The following KMT2E variants were observed in gnomAD, a reference collection of about 807,000 sequenced individuals.
KMT2E encodes the protein histone reader KMT2E.
Under a neutral mutation model 184.6 loss-of-function variants are expected in KMT2E, and 30 were observed. The observed-to-expected ratio is 0.16, with a 90% CI of 0.12 to 0.22. The LOEUF is 0.22. Ranked by LOEUF, KMT2E falls within the 10% of genes least tolerant of loss-of-function variation. KMT2E has a pLI of 1.00. For synonymous variants in KMT2E, 815 were observed against 776.5 expected (o/e 1.05, Z -0.82); for missense variants, 2,023 against 2,237.4 (o/e 0.90, Z 1.93).
Position 105,113,394 on chromosome 7 carries a change from A to AC in KMT2E, c.*63dup, listed in dbSNP as rs1799421926. On this transcript the variant is annotated 3_prime_UTR_variant, in exon 27 of 27. Coordinates refer to ENST00000311117, the MANE Select transcript of KMT2E (RefSeq NM_182931.3). Reference sequence around the variant, plus strand: ...AAGATAAACTGTATATTTCATATGTACCTGTTAAGGTACTTTTTAAAGCTT... The same window carrying AC: ...AAGATAAACTGTATATTTCATATGTACCCTGTTAAGGTACTTTTTAAAGCTT... 6.7e-7 allele frequency: 1 copy of AC among 1,500,384 alleles called. No individual in the cohort carries two copies. Among genetic ancestry groups the AC allele is most frequent in the African/African-American group, 1.4e-5 (1 of 71,390 alleles). The allele number at this position is 1,500,384 out of a possible 1,614,324, so 92.9% of individuals were successfully genotyped here. A position where few individuals can be genotyped will look rare whatever the true frequency, so the allele number is the denominator to read the frequency against.
chr7:105,106,505 T>C lies in KMT2E; in HGVS notation c.2597-17T>C, dbSNP rs1308470275. On this transcript the variant is annotated splice_polypyrimidine_tract_variant and intron_variant, in intron 19 of 26. Coordinates refer to ENST00000311117, the MANE Select transcript of KMT2E (RefSeq NM_182931.3). ...AGCAACAGTGTAATTTCTTACAGAT[T>C]ATTATTTCACCAACAGATTTAACTA... The C allele has an allele frequency of 6.3e-7, 1 of 1,586,794 alleles. No homozygotes were observed. Among genetic ancestry groups the C allele is most frequent in the East Asian group, 2.2e-5 (1 of 44,708 alleles).
chr7:105,028,425 C>T (rs991923881), intron 1 of KMT2E, among the ~76,000 whole-genome samples: 2 of 152,172 alleles, frequency 1.3e-5, no homozygotes, highest in Non-Finnish European at 2.9e-5. Flanking sequence ...CCTCAGCCTC[C>T]CAAAGTGCTA....
At chr7:105,067,453 G>C (rs1448554610) in intron 6 of KMT2E, among the ~76,000 whole-genome samples, 1 of 151,230 alleles carries the variant, frequency 6.6e-6, no homozygotes, top group Non-Finnish European at 1.5e-5. Context: ...TCAAACTTAC[G>C]TAAAAATAAA....
At chr7:105,030,355 T>C (rs1380822194) in intron 1 of KMT2E, among the ~76,000 whole-genome samples, 1 of 152,168 alleles carries the variant, frequency 6.6e-6, no homozygotes, top group African/African-American at 2.4e-5. Flanking sequence ...ATATGATTTT[T>C]ATTGGGTGGG....
intron 15 of KMT2E, among the ~76,000 whole-genome samples, chr7:105,098,994 C>T (rs1359271003): frequency 6.6e-6 from 1 of 152,044 alleles, no homozygotes; most frequent in Non-Finnish European, 1.5e-5. Context: ...TCAGTTAGAG[C>T]TATAAAATGG....
intron 1 of KMT2E, among the ~76,000 whole-genome samples, chr7:105,036,765 A>G (rs1196801326): frequency 1.3e-5 from 2 of 152,226 alleles, no homozygotes; most frequent in Admixed American, 6.5e-5. Flanking sequence ...GCTCAGTTGT[A>G]GAAATGCATA....
intron 9 of KMT2E, among the ~76,000 whole-genome samples, chr7:105,076,357 T>C (rs1217459267): frequency 1.3e-5 from 2 of 152,234 alleles, no homozygotes; most frequent in Non-Finnish European, 1.5e-5. Flanking sequence ...ATAATCCATG[T>C]CTCTGATGCC....
intron 1 of KMT2E, among the ~76,000 whole-genome samples, chr7:105,032,675 A>G (rs889402002): frequency 2.0e-5 from 3 of 151,988 alleles, no homozygotes; most frequent in Non-Finnish European, 4.4e-5. Flanking sequence ...CTAATTTTTA[A>G]AAATTTTTTT....
chr7:105,103,783 C>A (rs939122964), intron 17 of KMT2E: 1 of 143,888 alleles, frequency 6.9e-6, no homozygotes, highest in Non-Finnish European at 1.5e-5. Flanking sequence ...TATATATATA[C>A]ATATGCACAT....
intron 2 of KMT2E, among the ~76,000 whole-genome samples, chr7:105,038,979 G>T (rs554630921): frequency 6.6e-6 from 1 of 152,252 alleles, no homozygotes; most frequent in Non-Finnish European, 1.5e-5. Context: ...ATGTGATGAT[G>T]TATCTTTGTC....
intron 22 of KMT2E, 61 bp downstream of exon 22, chr7:105,107,986 CT>C: frequency 8.8e-7 from 1 of 1,134,810 alleles, no homozygotes; most frequent in East Asian, 2.7e-5. Flanking sequence ...CATAATACTA[CT>C]GAGGGGAATT....
chr7:105,038,183 T>G lies in KMT2E; in HGVS notation c.-131T>G, dbSNP rs1795740094. 1 of 152,210 alleles carries G rather than the reference T, an allele frequency of 6.6e-6. No individual in the cohort carries two copies. The allele number at this position is 152,210 out of a possible 1,614,324, so 9.4% of individuals were successfully genotyped here. On this transcript the variant is annotated 5_prime_UTR_variant, in exon 2 of 27. In the 5' UTR this introduces an upstream ATG that the reference lacks. Coordinates refer to ENST00000311117, the MANE Select transcript of KMT2E (RefSeq NM_182931.3). Reference sequence around the variant, plus strand: ...ATTTATTCTTTCTTGGACCTCAGATTTACCAGACATCTCATGGTATTTCCT... The same window carrying G: ...ATTTATTCTTTCTTGGACCTCAGATGTACCAGACATCTCATGGTATTTCCT...
At chr7:105,064,815 T>A (rs1584748679) in intron 5 of KMT2E, among the ~76,000 whole-genome samples, 1 of 152,146 alleles carries the variant, frequency 6.6e-6, no homozygotes, top group South Asian at 2.1e-4. Context: ...GTAGAAAATG[T>A]CAAATCATAT....
chr7:105,084,629 G>GGA (rs1554395808), intron 13 of KMT2E, among the ~76,000 whole-genome samples: 1 of 144,060 alleles, frequency 6.9e-6, no homozygotes, highest in African/African-American at 2.6e-5. Flanking sequence ...TCTGTCTCAA[G>GGA]AAAAAAAAAA....
At chr7:105,102,361 T>TA in intron 17 of KMT2E, 167 bp downstream of exon 17, 4 of 535,518 alleles carry the variant, frequency 7.5e-6, no homozygotes, top group Non-Finnish European at 1.3e-5. Flanking sequence ...AAAATTAATA[T>TA]AAATGTTTGC....
intron 14 of KMT2E, 122 bp downstream of exon 14, chr7:105,090,395 A>G (rs1293993125): frequency 2.7e-6 from 3 of 1,129,002 alleles, no homozygotes; most frequent in Non-Finnish European, 3.7e-6. Context: ...CTGTCATTTA[A>G]TGAAGTATTC....
chr7:105,083,217 T>C (rs565362053), intron 13 of KMT2E, among the ~76,000 whole-genome samples: 13 of 152,220 alleles, frequency 8.5e-5, no homozygotes, highest in African/African-American at 3.1e-4. Context: ...TTCGATGGTA[T>C]AATCCTTCCA....
intron 3 of KMT2E, among the ~76,000 whole-genome samples, chr7:105,060,962 A>G (rs1796791980): frequency 6.6e-6 from 1 of 152,178 alleles, no homozygotes; most frequent in Non-Finnish European, 1.5e-5. Context: ...GAAATCACCT[A>G]ATGATGTATT....
At chr7:105,051,860 A>G (rs964941652) in intron 3 of KMT2E, among the ~76,000 whole-genome samples, 1 of 152,144 alleles carries the variant, frequency 6.6e-6, no homozygotes, top group African/African-American at 2.4e-5. Context: ...AAGTGCTGGG[A>G]TTATAGGCAT....
Sources: allele counts gnomAD v4.1 joint callset (sites outside exome capture counted in the v4.1 genomes callset), GRCh38; gene constraint gnomAD v4.1.1; transcripts MANE v1.5; gene names NCBI Gene and HGNC (gene_info 2026-07-23, HGNC 2026-07-21).